ADAMTS20: variants seen among roughly 807,000 people sequenced by gnomAD.
The protein encoded by ADAMTS20 is ADAM metallopeptidase with thrombospondin type 1 motif 20, also known as A disintegrin and metalloproteinase with thrombospondin motifs 20.
ADAMTS20 carries 225 observed loss-of-function variants against 260.1 expected under a neutral mutation model. The ratio of observed to expected loss-of-function variants is 0.87; its 90% CI spans 0.78 to 0.97. ADAMTS20 has a LOEUF of 0.97. Ranked by LOEUF, ADAMTS20 falls within the 50% of genes least tolerant of loss-of-function variation. ADAMTS20 has a pLI of 0.00. For synonymous variants in ADAMTS20, 802 were observed against 769.5 expected, an observed-to-expected ratio of 1.04 and a Z score of -0.70; for missense variants, 2,400 against 2,337.7, an observed-to-expected ratio of 1.03 and a Z score of -0.55.
intron 28 of ADAMTS20, among the ~76,000 whole-genome samples, chr12:43,415,260 G>A (rs1941107426): frequency 6.6e-6 from 1 of 152,062 alleles, no homozygotes; most frequent in Admixed American, 6.6e-5. Flanking sequence ...ATTGGTTTGA[G>A]CATTGTCTAC....
chr12:43,462,739 T>C (rs568945641), intron 11 of ADAMTS20, among the ~76,000 whole-genome samples, 156 bp downstream of exon 11: 5 of 152,344 alleles, frequency 3.3e-5, no homozygotes, highest in African/African-American at 1.2e-4. Flanking sequence ...ATTTAATTCA[T>C]TGACAATGTA....
intron 2 of ADAMTS20, among the ~76,000 whole-genome samples, chr12:43,538,885 T>C (rs893359149): frequency 1.3e-5 from 2 of 151,956 alleles, no homozygotes; most frequent in Admixed American, 6.6e-5. Flanking sequence ...ACAAACCTGG[T>C]GAAGTACCTG....
chr12:43,464,681 A>G lies in ADAMTS20; in HGVS notation c.1419T>C (p.Asn473=). 2 of 1,613,396 alleles carry G rather than the reference A, an allele frequency of 1.2e-6. No homozygotes were observed. The highest frequency in any genetic ancestry group is 1.7e-6 in the Non-Finnish European group (2 of 1,179,452). ...GTGATCCAGGAAGTTCTGAAGGCAG[A>G]TTATATATTTCTTCATCTGGTTTGT... The part of the protein sequence containing the change: ...LLDKPDEEIY[N]LPSELPGSRY... The change falls in exon 10 of 39, where the codon AAT becomes AAC. Residue 473 remains asparagine, a synonymous_variant. Transcript: ENST00000389420.
At position 43,502,300 on chromosome 12, in the gene ADAMTS20, A is replaced by T. The variant is rs749731281; in HGVS notation, c.719T>A (p.Val240Glu). Residue 240 changes from valine (V) to glutamate (E), a missense_variant, in exon 4 of 39, where the codon GTA becomes GAA. Transcript: ENST00000389420. Reference sequence around the variant, plus strand: ...ATGTCTTCTTTCATCTTTCAATGGTACATTTTTTGATGTGTGTCCTAAAAC... The same window carrying T: ...ATGTCTTCTTTCATCTTTCAATGGTTCATTTTTTGATGTGTGTCCTAAAAC... ...ERVLGHTSKN[V>E]PLKDERRHSR... is the part of the protein sequence containing the mutation. 1.1e-5 allele frequency: 17 copies of T among 1,612,084 alleles called. No homozygotes were observed. In the South Asian group the frequency reaches 1.9e-4, roughly 18 times the overall value.
At chr12:43,511,252 C>T (rs537836069) in intron 3 of ADAMTS20, among the ~76,000 whole-genome samples, 9 of 152,218 alleles carry the variant, frequency 5.9e-5, no homozygotes, top group African/African-American at 2.2e-4. Flanking sequence ...CCCTCCCATT[C>T]ATCCTTCATT....
chr12:43,451,196 A>G (rs902423948), intron 14 of ADAMTS20, among the ~76,000 whole-genome samples: 2 of 152,170 alleles, frequency 1.3e-5, no homozygotes, highest in African/African-American at 2.4e-5. Context: ...CAAATACTAT[A>G]TGATCCCATT....
At chr12:43,384,270 C>CTA (rs1940422269) in intron 29 of ADAMTS20, among the ~76,000 whole-genome samples, 1 of 152,108 alleles carries the variant, frequency 6.6e-6, no homozygotes, top group African/African-American at 2.4e-5. Context: ...AGTATAATGT[C>CTA]TATAAAAATT....
intron 4 of ADAMTS20, among the ~76,000 whole-genome samples, chr12:43,501,481 G>GCGCGCGCACACACACACACACACA (rs373746834): frequency 2.0e-4 from 23 of 117,846 alleles, no homozygotes; most frequent in East Asian, 2.7e-4. Context: ...GCGCGCGCGC[G>GCGCGCGCACACACACACACACACA]CACACACACA....
intron 29 of ADAMTS20, among the ~76,000 whole-genome samples, chr12:43,393,392 T>C (rs973822947): frequency 6.6e-6 from 1 of 151,990 alleles, no homozygotes; most frequent in African/African-American, 2.4e-5. Context: ...ATCCAGACAG[T>C]TCATAAATAT....
chr12:43,411,157 T>C (rs1362295036), intron 28 of ADAMTS20, among the ~76,000 whole-genome samples: 5 of 152,172 alleles, frequency 3.3e-5, no homozygotes, highest in African/African-American at 9.6e-5. Context: ...AAAATGCAAA[T>C]TCTACCTGAA....
intron 7 of ADAMTS20, among the ~76,000 whole-genome samples, chr12:43,486,578 G>A (rs1470129096): frequency 6.6e-6 from 1 of 151,990 alleles, no homozygotes; most frequent in East Asian, 1.9e-4. Context: ...ATAAATAAAT[G>A]GAATCTGATT....
At chr12:43,367,915 C>G (rs1397942930) in intron 37 of ADAMTS20, among the ~76,000 whole-genome samples, 1 of 151,954 alleles carries the variant, frequency 6.6e-6, no homozygotes. Context: ...CCTTACCAAC[C>G]ACTCTACCTG....
chr12:43,539,498 A>C (rs1289531592), intron 2 of ADAMTS20, among the ~76,000 whole-genome samples: 1 of 152,122 alleles, frequency 6.6e-6, no homozygotes, highest in Non-Finnish European at 1.5e-5. Flanking sequence ...ATTCTTATCT[A>C]TTTCTTGGAT....
chr12:43,540,715 G>C (rs901945745), intron 2 of ADAMTS20, among the ~76,000 whole-genome samples: 2 of 151,972 alleles, frequency 1.3e-5, no homozygotes, highest in African/African-American at 4.8e-5. Context: ...TCTGCAGATG[G>C]GCCCTGCAAT....
intron 31 of ADAMTS20, among the ~76,000 whole-genome samples, chr12:43,380,809 C>A (rs550836661): frequency 6.6e-6 from 1 of 152,184 alleles, no homozygotes; most frequent in South Asian, 2.1e-4. Context: ...ATAATAATAT[C>A]TACCAAGTTG....
At chr12:43,545,391 AG>A (rs1178897049) in intron 2 of ADAMTS20, among the ~76,000 whole-genome samples, 5 of 152,208 alleles carry the variant, frequency 3.3e-5, no homozygotes, top group African/African-American at 1.2e-4. Flanking sequence ...TCAGCTGCAC[AG>A]TCCACGAGAA....
At chr12:43,435,534 G>T (rs1349167265) in intron 18 of ADAMTS20, among the ~76,000 whole-genome samples, 1 of 151,250 alleles carries the variant, frequency 6.6e-6, no homozygotes, top group Admixed American at 6.6e-5. Context: ...AGCTACTCGG[G>T]AGGCTGAGAC....
chr12:43,439,482 A>G (rs1342778824), intron 18 of ADAMTS20, 140 bp downstream of exon 18: 1 of 983,560 alleles, frequency 1.0e-6, no homozygotes, highest in Admixed American at 2.8e-5. Flanking sequence ...AAGGAAAAAA[A>G]GATTGAAAAC....
chr12:43,455,364 G>T (rs1350617262), intron 11 of ADAMTS20, among the ~76,000 whole-genome samples: 2 of 152,146 alleles, frequency 1.3e-5, no homozygotes, highest in Non-Finnish European at 2.9e-5. Context: ...TAAGGTCAAG[G>T]TACCGGCAGG....
Sources: gnomAD v4.1 joint callset for allele counts (sites outside exome capture counted in the v4.1 genomes callset) on GRCh38, gnomAD v4.1.1 for gene constraint, MANE v1.5 for transcripts, NCBI Gene and HGNC (gene_info 2026-07-23, HGNC 2026-07-21) for gene names.